The following TBL1X variants were observed in gnomAD, a reference collection of about 807,000 sequenced individuals.
TBL1X encodes the protein F-box-like/WD repeat-containing protein TBL1X.
TBL1X carries 10 observed loss-of-function variants against 50.7 expected under a neutral mutation model. The ratio of observed to expected loss-of-function variants is 0.20; its 90% CI spans 0.12 to 0.33. The LOEUF is 0.33. Among genes scored for constraint, TBL1X ranks in the 10% least tolerant of loss-of-function variants. The pLI, the probability that TBL1X is intolerant of heterozygous loss-of-function variation, is 1.00. For missense variants in TBL1X, 340 were observed against 504.4 expected, an observed-to-expected ratio of 0.67 and a Z score of 3.12; for synonymous variants, 190 against 214.7, an observed-to-expected ratio of 0.88 and a Z score of 1.01.
chrX:9,654,772 A>G (rs894143500), intron 5 of TBL1X, among the ~76,000 whole-genome samples: 11 of 110,754 alleles, frequency 9.9e-5, no homozygotes, highest in African/African-American at 2.6e-4. Flanking sequence ...ATCTTCCAAC[A>G]TTTTTGATTA....
intron 2 of TBL1X, among the ~76,000 whole-genome samples, chrX:9,584,275 T>C (rs2082457098): frequency 8.9e-6 from 1 of 112,330 alleles, no homozygotes; most frequent in South Asian, 3.7e-4. Flanking sequence ...ACCAAAGGCA[T>C]TGTAAAAGCA....
chrX:9,650,131 C>G (rs931695583), intron 3 of TBL1X, among the ~76,000 whole-genome samples: 4 of 112,287 alleles, frequency 3.6e-5, no homozygotes, highest in African/African-American at 1.3e-4. Flanking sequence ...AGCGTCTGAG[C>G]CTGCACCAGT....
chrX:9,634,552 A>G (rs1161797715), intron 2 of TBL1X, among the ~76,000 whole-genome samples: 1 of 111,216 alleles, frequency 9.0e-6, no homozygotes, highest in South Asian at 3.8e-4. Flanking sequence ...GGGTCTTGCT[A>G]TGTTGCCCAG....
chrX:9,661,210 T>G (rs1433005069), intron 5 of TBL1X, among the ~76,000 whole-genome samples: 1 of 112,682 alleles, frequency 8.9e-6, no homozygotes, highest in African/African-American at 3.2e-5. Context: ...TAGTGACATT[T>G]GTCATTCATT....
At chrX:9,467,143 A>C (rs1389384343) in intron 1 of TBL1X, among the ~76,000 whole-genome samples, 1 of 112,737 alleles carries the variant, frequency 8.9e-6, no homozygotes, top group Admixed American at 9.3e-5. Context: ...CAATTATATC[A>C]GTACCACTGG....
intron 2 of TBL1X, among the ~76,000 whole-genome samples, chrX:9,508,048 C>CTAAA (rs747602968): frequency 8.9e-6 from 1 of 112,314 alleles, no homozygotes; most frequent in African/African-American, 3.2e-5. Flanking sequence ...GAGTTCATGA[C>CTAAA]TAAAACACCA....
At chrX:9,478,544 G>C (rs998962857) in intron 1 of TBL1X, among the ~76,000 whole-genome samples, 1 of 111,790 alleles carries the variant, frequency 8.9e-6, no homozygotes, top group East Asian at 2.8e-4. Flanking sequence ...TTTAGGCTAC[G>C]GTTTAAATGA....
chrX:9,650,177 A>G (rs2146595840), intron 3 of TBL1X, among the ~76,000 whole-genome samples: 1 of 112,377 alleles, frequency 8.9e-6, no homozygotes, highest in South Asian at 3.7e-4. Flanking sequence ...TTTCAAACAC[A>G]AAATGCTTAT....
intron 1 of TBL1X, among the ~76,000 whole-genome samples, chrX:9,481,817 A>G (rs1229216344): frequency 8.9e-6 from 1 of 112,381 alleles, no homozygotes; most frequent in Non-Finnish European, 1.9e-5. Flanking sequence ...AAATGCTTTG[A>G]AGTCTAATGT....
intron 5 of TBL1X, among the ~76,000 whole-genome samples, chrX:9,658,266 A>T (rs895811316): frequency 3.6e-5 from 4 of 111,422 alleles, no homozygotes; most frequent in Admixed American, 9.5e-5. Context: ...GTGTGAGTCC[A>T]TTGGCCTCTG....
At chrX:9,513,082 G>A (rs778141818) in intron 2 of TBL1X, among the ~76,000 whole-genome samples, 14 of 110,675 alleles carry the variant, frequency 1.3e-4, no homozygotes, top group African/African-American at 4.6e-4. Flanking sequence ...GAAGGCACCC[G>A]GAGGAAGCCC....
intron 2 of TBL1X, among the ~76,000 whole-genome samples, chrX:9,576,857 G>A (rs761251017): frequency 1.3e-3 from 147 of 109,606 alleles, no homozygotes; most frequent in African/African-American, 4.7e-3. Context: ...AAAATTAGCC[G>A]GGAGTGGTGG....
chrX:9,584,251 C>T (rs1052017517), intron 2 of TBL1X, among the ~76,000 whole-genome samples: 4 of 112,214 alleles, frequency 3.6e-5, no homozygotes, highest in South Asian at 3.7e-4. Flanking sequence ...CAAAGAAGTA[C>T]TCACATGATA....
chrX:9,481,163 T>C (rs2081880223), intron 1 of TBL1X, among the ~76,000 whole-genome samples: 1 of 111,676 alleles, frequency 9.0e-6, no homozygotes, highest in Admixed American at 9.6e-5. Context: ...TTGGAGATTG[T>C]GACATTAAAA....
chrX:9,705,244 C>T, intron 13 of TBL1X, 130 bp downstream of exon 13: 1 of 1,081,463 alleles, frequency 9.2e-7, no homozygotes, highest in South Asian at 2.0e-5. Context: ...GCTATTTGAG[C>T]TGTCATGGTT....
chrX:9,685,723 T>C (rs1483196387), intron 6 of TBL1X, among the ~76,000 whole-genome samples: 229 of 93,276 alleles, frequency 2.5e-3, no homozygotes, highest in African/African-American at 8.4e-3. Flanking sequence ...TTTTCTTTTT[T>C]TTTTTTTTTT....
intron 5 of TBL1X, 112 bp from the exon 6 acceptor site, chrX:9,683,913 TCTGCAGCCGTGTCTGTCC>T: frequency 9.8e-7 from 1 of 1,020,379 alleles, no homozygotes; most frequent in Admixed American, 2.3e-5. Flanking sequence ...CCCTGGGCAT[TCTGCAGCCGTGTCTGTCC>T]CTGCAAATTA....
intron 1 of TBL1X, among the ~76,000 whole-genome samples, chrX:9,470,466 A>G (rs1177436179): frequency 8.9e-6 from 1 of 111,817 alleles, no homozygotes; most frequent in Non-Finnish European, 1.9e-5. Context: ...ATGTTGGTCA[A>G]GCTGGTCTCA....
chrX:9,542,963 G>A lies in TBL1X; in HGVS notation c.-131+41114G>A, dbSNP rs1391505477. Among the ~76,000 whole-genome samples, 3 of 111,738 alleles carry A rather than the reference G, an allele frequency of 2.7e-5. No individual in the cohort carries two copies. The Admixed American group carries it at 2.8e-4, about 11-fold the overall frequency. On this transcript the variant is annotated intron_variant, in intron 2 of 17. Coordinates refer to ENST00000645353, the MANE Select transcript of TBL1X (RefSeq NM_005647.4). ...CAGCCCGTGGCCTGTCCCCTGCCACGTGTCACCATACTGAACGTTTGTGTG... is the reference window on the plus strand; with the variant it reads ...CAGCCCGTGGCCTGTCCCCTGCCACATGTCACCATACTGAACGTTTGTGTG...
Sources: allele counts gnomAD v4.1 joint callset (sites outside exome capture counted in the v4.1 genomes callset), GRCh38; gene constraint gnomAD v4.1.1; transcripts MANE v1.5; gene names NCBI Gene and HGNC (gene_info 2026-07-23, HGNC 2026-07-21).